Variants in CYP4F2 observed in about 807,000 individuals in gnomAD.
CYP4F2 encodes cytochrome P450 4F2.
Under a neutral mutation model 58.9 loss-of-function variants are expected in CYP4F2, and 58 were observed. The ratio of observed to expected loss-of-function variants is 0.98; its 90% confidence interval spans 0.80 to 1.23. The LOEUF is 1.23. Among genes scored for constraint, CYP4F2 ranks in the 50% most tolerant of loss-of-function variants. CYP4F2 has a pLI of 0.00. For missense variants in CYP4F2, 616 were observed against 685.6 expected (o/e 0.90, Z 1.13); for synonymous variants, 287 against 261.1 (o/e 1.10, Z -0.95).
rs1471896721 is a variant in CYP4F2 at position 15,895,584 on chromosome 19, T to C, written c.265A>G (p.Lys89Glu). 5.7e-6 allele frequency: 9 copies of C among 1,590,768 alleles called. No individual in the cohort carries two copies. The highest frequency in any genetic ancestry group is 2.3e-5 in the East Asian group (1 of 42,682). Reference protein sequence around the residue: ...QLVATYPQGFKVWMGPISPLL... With the variant: ...QLVATYPQGFEVWMGPISPLL... ...GGGGAGATGGGTCCCATCCAGACCT[T>C]AAAGCCCTGGGGGTAGGTGGCCACC... Residue 89 changes from lysine (K) to glutamate (E), a missense_variant, in exon 3 of 13, where the codon AAG (lysine) becomes GAG (glutamate). Coordinates refer to ENST00000221700, the MANE Select transcript of CYP4F2 (RefSeq NM_001082.5).
intron 7 of CYP4F2, among the ~76,000 whole-genome samples, chr19:15,887,092 T>A (rs549879396): frequency 6.6e-6 from 1 of 152,120 alleles, no homozygotes; most frequent in Non-Finnish European, 1.5e-5. Flanking sequence ...GACAAAGACA[T>A]AGACACAGAC....
At chr19:15,889,773 TCTACCTC>T (rs2089406006) in intron 6 of CYP4F2, 80 bp from the exon 7 acceptor site, 1 of 1,570,100 alleles carries the variant, frequency 6.4e-7, no homozygotes, top group Non-Finnish European at 8.7e-7. Flanking sequence ...GCAGCCAGGA[TCTACCTC>T]CTATCAGTAA....
chr19:15,886,429 A>C, intron 7 of CYP4F2, 121 bp from the exon 8 acceptor site: 3 of 1,336,808 alleles, frequency 2.2e-6, no homozygotes, highest in Non-Finnish European at 3.1e-6. Context: ...CCAGAAATCC[A>C]AGTCCATCTT....
At chr19:15,884,716 G>A (rs768576511) in intron 9 of CYP4F2, among the ~76,000 whole-genome samples, 1 of 152,168 alleles carries the variant, frequency 6.6e-6, no homozygotes, top group Non-Finnish European at 1.5e-5. Flanking sequence ...GCTGGGCAAA[G>A]GTGTGGACGA....
Position 15,895,557 on chromosome 19 carries a change from G to T in CYP4F2, c.292C>A (p.Leu98Ile). The change falls in exon 3 of 13, where the codon CTC becomes ATC. Residue 98 changes from leucine (L) to isoleucine (I), a missense_variant. Transcript: ENST00000221700. The part of the protein sequence containing the change: ...FKVWMGPISP[L>I]LSLCHPDIIR... ...ATGTCGGGGTGGCACAAACTGAGGA[G>T]GGGGGAGATGGGTCCCATCCAGACC... 1 of 1,553,230 alleles carries T rather than the reference G, an allele frequency of 6.4e-7. No individual in the cohort carries two copies. The highest frequency in any genetic ancestry group is 8.6e-7 in the Non-Finnish European group (1 of 1,158,544).
chr19:15,895,373 T>G, intron 3 of CYP4F2, 133 bp downstream of exon 3: 1 of 1,210,178 alleles, frequency 8.3e-7, no homozygotes, highest in Non-Finnish European at 1.1e-6. Flanking sequence ...GATGAATACA[T>G]GAAAGAAAGA....
chr19:15,889,681 T>C lies in CYP4F2; in HGVS notation c.660A>G (p.Glu220=). The stretch of plus-strand genomic sequence containing the variant: ...TGAGCTCCAAGATGGCGGCAATATA[T>C]TCACTGGGTTTCCTGCAGGATAAGG... ...FDSHCQEKPS[E]YIAAILELSA... is the part of the protein sequence containing the mutation. Residue 220 remains glutamate (E), a synonymous_variant, in exon 7 of 13, where the codon GAA becomes GAG. Transcript: ENST00000221700. 1 of 1,613,632 alleles carries C rather than the reference T, an allele frequency of 6.2e-7. No homozygotes were observed. The highest frequency in any genetic ancestry group is 8.5e-7 in the Non-Finnish European group (1 of 1,179,604).
chr19:15,878,395 T>C lies in CYP4F2; in HGVS notation c.*376A>G, dbSNP rs1264684271. 1 of 215,888 alleles carries C rather than the reference T, an allele frequency of 4.6e-6. No homozygotes were observed. Among genetic ancestry groups the C allele is most frequent in the Non-Finnish European group, 9.2e-6 (1 of 108,194 alleles). The allele number at this position is 215,888 out of a possible 1,614,324, so 13.4% of individuals were successfully genotyped here. On this transcript the variant is annotated 3_prime_UTR_variant, in exon 13 of 13. Coordinates refer to ENST00000221700, the MANE Select transcript of CYP4F2 (RefSeq NM_001082.5). ...TTTCGTATAAAAGGACAGTACACTA[T>C]GTGACCTTTTGCATCTGACGTCTTT... is the stretch of plus-strand genomic sequence containing the variant.
At chr19:15,894,495 G>A (rs2089437031) in intron 3 of CYP4F2, among the ~76,000 whole-genome samples, 1 of 152,224 alleles carries the variant, frequency 6.6e-6, no homozygotes, top group Non-Finnish European at 1.5e-5. Context: ...GCGACATGGA[G>A]AAAGCTAAAG....
intron 3 of CYP4F2, chr19:15,893,991 A>C: frequency 4.5e-6 from 1 of 220,050 alleles, no homozygotes; most frequent in Non-Finnish European, 9.7e-6. Flanking sequence ...GCAGCATCTC[A>C]TCCTCCTGTC....
intron 2 of CYP4F2, among the ~76,000 whole-genome samples, chr19:15,896,544 G>A (rs2089449841): frequency 6.6e-6 from 1 of 152,186 alleles, no homozygotes; most frequent in African/African-American, 2.4e-5. Context: ...GTCCCCACAT[G>A]CCTTCATGTC....
Position 15,889,509 on chromosome 19 carries a change from G to T in CYP4F2, c.832C>A (p.Leu278Ile). The change falls in exon 7 of 13, where the codon CTC becomes ATC. Residue 278 changes from leucine to isoleucine, a missense_variant. By Grantham distance (5) the Leu-to-Ile change is conservative. Transcript: ENST00000221700. ...DAVIQERRRTLPSQGVDDFLQ... is the reference protein window; with the variant it reads ...DAVIQERRRTIPSQGVDDFLQ... ...AAGTCATCAACACCCTGGCTAGGGA[G>T]AGTGCGGCGCCGCTCCTGGATGACG... 1 of 1,614,226 alleles carries T rather than the reference G, an allele frequency of 6.2e-7. No homozygotes were observed. Among genetic ancestry groups the T allele is most frequent in the Admixed American group, 1.7e-5 (1 of 60,032 alleles).
chr19:15,895,229 G>A (rs996683189), intron 3 of CYP4F2, among the ~76,000 whole-genome samples: 2 of 152,102 alleles, frequency 1.3e-5, no homozygotes, highest in Non-Finnish European at 2.9e-5. Context: ...CTCTATCCAG[G>A]TCCATCTCCT....
intron 9 of CYP4F2, among the ~76,000 whole-genome samples, chr19:15,882,517 CTTGATTTAATAATTT>C (rs1428385162): frequency 6.8e-6 from 1 of 146,512 alleles, no homozygotes; most frequent in Non-Finnish European, 1.5e-5. Context: ...TGTTCATTAC[CTTGATTTAATAATTT>C]CAGGTTGTAT....
chr19:15,892,408 G>T lies in CYP4F2; in HGVS notation c.426C>A (p.Asp142Glu), dbSNP rs748349858. 19 of 1,614,068 alleles carry T rather than the reference G, an allele frequency of 1.2e-5. No homozygotes were observed. The highest frequency in any genetic ancestry group is 2.2e-5 in the East Asian group (1 of 44,884). ...GCATCCGACGGTGGCGGCTCCACTT[G>T]TCACCAGCACTCAGCAGGAGCCCAT... ...LGDGLLLSAG[D>E]KWSRHRRMLT... The change falls in exon 5 of 13, where the codon GAC (aspartate) becomes GAA (glutamate). Residue 142 changes from aspartate to glutamate, a missense_variant. Transcript: ENST00000221700.
Position 15,880,793 on chromosome 19 carries a change from A to T in CYP4F2, c.1116-896T>A, listed in dbSNP as rs565694335. ...TATTTAAAACAATGTCCATCAAAAG[A>T]AGAAATATGAAGATTGGCATAGATT... On this transcript the variant is annotated intron_variant, in intron 9 of 12. Coordinates refer to ENST00000221700, the MANE Select transcript of CYP4F2 (RefSeq NM_001082.5). 3.3e-5 allele frequency among the ~76,000 whole-genome samples: 5 copies of T among 152,340 alleles called. No homozygotes were observed. In the South Asian group the frequency reaches 1.0e-3, roughly 32 times the overall value.
intron 3 of CYP4F2, among the ~76,000 whole-genome samples, chr19:15,895,126 C>G (rs905328202): frequency 1.3e-5 from 2 of 152,236 alleles, no homozygotes; most frequent in Non-Finnish European, 2.9e-5. Context: ...CTCTAGGAAG[C>G]CTTCCAGCCT....
In CYP4F2 at chr19:15,879,913, A is replaced by G. The variant is rs746477324; in HGVS notation, c.1116-16T>C. ...CAGGTCGTCCCTAAGGAAACACCCC[A>G]GCCCCAATCCTTATCAAGGGAGCAA... is the stretch of plus-strand genomic sequence containing the variant. On this transcript the variant is annotated splice_polypyrimidine_tract_variant and intron_variant, in intron 9 of 12. Coordinates refer to ENST00000221700, the MANE Select transcript of CYP4F2 (RefSeq NM_001082.5). 1.2e-6 allele frequency: 2 copies of G among 1,613,940 alleles called. No individual in the cohort carries two copies. The highest frequency in any genetic ancestry group is 1.7e-6 in the Non-Finnish European group (2 of 1,179,994).
rs765151224 is a variant in CYP4F2, at chr19:15,878,870, G to A, written c.1464C>T (p.Arg488=). 5 of 1,614,040 alleles carry A rather than the reference G, an allele frequency of 3.1e-6. No homozygotes were observed. In the South Asian group the frequency reaches 4.4e-5, roughly 14 times the overall value. Residue 488 remains arginine (R), a synonymous_variant, in exon 13 of 13, where the codon CGC becomes CGT. Transcript: ENST00000221700. ...MKVVLALTLL[R]FRVLPDHTEP... is the part of the protein sequence containing the mutation. ...CGGTGTGGTCAGGCAGGACGCGGAA[G>A]CGCAGCAGCGTGAGCGCCAGGACCA...
Sources: allele counts gnomAD v4.1 joint callset (sites outside exome capture counted in the v4.1 genomes callset), GRCh38; gene constraint gnomAD v4.1.1; transcripts MANE v1.5; gene names NCBI Gene and HGNC (gene_info 2026-07-23, HGNC 2026-07-21).